Variants in MTHFD1L observed in about 807,000 individuals in gnomAD.
MTHFD1L encodes the protein methylenetetrahydrofolate dehydrogenase (NADP+ dependent) 1 like, also known as monofunctional C1-tetrahydrofolate synthase, mitochondrial.
A neutral mutation model predicts 119.5 loss-of-function variants in MTHFD1L; 81 were observed. The ratio of observed to expected loss-of-function variants is 0.68; its 90% CI spans 0.57 to 0.82. MTHFD1L has a LOEUF of 0.82. Among genes scored for constraint, MTHFD1L ranks in the 40% least tolerant of loss-of-function variants. The pLI is 0.00. For missense variants in MTHFD1L, 1,125 were observed against 1,253.4 expected (o/e 0.90, Z 1.55); for synonymous variants, 430 against 475.2 (o/e 0.90, Z 1.24).
At chr6:150,893,270 G>A (rs1583420776) in intron 7 of MTHFD1L, among the ~76,000 whole-genome samples, 1 of 152,042 alleles carries the variant, frequency 6.6e-6, no homozygotes, top group East Asian at 1.9e-4. Context: ...TCGCCATGTT[G>A]GCCAGGCTGG....
intron 9 of MTHFD1L, among the ~76,000 whole-genome samples, chr6:150,918,973 A>T (rs61425763): frequency 0.13 from 20,481 of 151,920 alleles, 1,490 homozygotes; most frequent in South Asian, 0.17. Context: ...AGTTTCTTCA[A>T]GTCAGAGATT....
At chr6:150,986,988 C>T (rs1436548232) in intron 20 of MTHFD1L, among the ~76,000 whole-genome samples, 7 of 152,164 alleles carry the variant, frequency 4.6e-5, no homozygotes, top group Non-Finnish European at 8.8e-5. Context: ...AGACGTGAGC[C>T]ACCGCGCCTG....
intron 7 of MTHFD1L, among the ~76,000 whole-genome samples, chr6:150,897,753 C>G (rs1413198244): frequency 6.6e-6 from 1 of 152,236 alleles, no homozygotes; most frequent in African/African-American, 2.4e-5. Flanking sequence ...GGTCATCTCC[C>G]ATTTGCTTTT....
chr6:150,986,572 C>G lies in MTHFD1L; in HGVS notation c.2125+14514C>G, dbSNP rs1449768680. Among the ~76,000 whole-genome samples the G allele has an allele frequency of 2.6e-5, 4 of 152,188 alleles. No individual in the cohort carries two copies. In the East Asian group the frequency reaches 7.7e-4, roughly 29 times the overall value. On this transcript the variant is annotated intron_variant, in intron 20 of 27. Coordinates refer to ENST00000367321, the MANE Select transcript of MTHFD1L (RefSeq NM_015440.5). Reference sequence around the variant, plus strand: ...GCAGTTCACAGTAGCATTCACACTCCTATGAGAATCTAATGCCACTGCTGA... The same window carrying G: ...GCAGTTCACAGTAGCATTCACACTCGTATGAGAATCTAATGCCACTGCTGA...
At chr6:150,975,638 G>T (rs1390695696) in intron 20 of MTHFD1L, among the ~76,000 whole-genome samples, 1 of 152,170 alleles carries the variant, frequency 6.6e-6, no homozygotes, top group East Asian at 1.9e-4. Context: ...CTCCTCCCCT[G>T]TCTGGGCCTC....
intron 19 of MTHFD1L, among the ~76,000 whole-genome samples, chr6:150,968,993 C>T (rs551220838): frequency 2.0e-5 from 3 of 151,738 alleles, no homozygotes; most frequent in Non-Finnish European, 2.9e-5. Context: ...GGATTACAGG[C>T]GCCCGCTACC....
chr6:150,867,538 T>G (rs1018090879), intron 1 of MTHFD1L, among the ~76,000 whole-genome samples: 5 of 152,148 alleles, frequency 3.3e-5, no homozygotes, highest in African/African-American at 1.2e-4. Context: ...GAAGCCAGGA[T>G]AGGCGGCAAA....
Position 150,865,807 on chromosome 6 carries a change from C to A in MTHFD1L, c.-16C>A. ...GCCGCAGCTCCGTGTCCCCTGAGAA[C>A]CAGCCGTCCCGCGCCATGGGCACGC... On this transcript the variant is annotated 5_prime_UTR_variant, in exon 1 of 28. Coordinates refer to ENST00000367321, the MANE Select transcript of MTHFD1L (RefSeq NM_015440.5). 7.7e-7 allele frequency: 1 copy of A among 1,292,604 alleles called. No homozygotes were observed. The highest frequency in any genetic ancestry group is 4.2e-5 in the East Asian group (1 of 23,876). 80.1% of individuals were successfully genotyped at this position (1,292,604 alleles called of 1,614,324 possible). A position where few individuals can be genotyped will look rare whatever the true frequency, so the allele number is the denominator to read the frequency against.
chr6:151,056,824 A>AC (rs1790019699), intron 26 of MTHFD1L, among the ~76,000 whole-genome samples: 1 of 152,076 alleles, frequency 6.6e-6, no homozygotes, highest in African/African-American at 2.4e-5. Flanking sequence ...AGGTGTTCTG[A>AC]CCTGGGAGGG....
At chr6:150,994,414 T>C (rs1779544130) in intron 20 of MTHFD1L, among the ~76,000 whole-genome samples, 1 of 152,192 alleles carries the variant, frequency 6.6e-6, no homozygotes, top group Admixed American at 6.5e-5. Context: ...CCTCTTCTTC[T>C]TGAAATAGAA....
intron 26 of MTHFD1L, among the ~76,000 whole-genome samples, chr6:151,076,744 G>C (rs1472571320): frequency 6.6e-6 from 1 of 151,500 alleles, no homozygotes; most frequent in African/African-American, 2.4e-5. Context: ...ATATATAACA[G>C]TACCACCCCC....
chr6:150,890,244 G>A (rs937739264), intron 7 of MTHFD1L, among the ~76,000 whole-genome samples: 5 of 152,144 alleles, frequency 3.3e-5, no homozygotes, highest in African/African-American at 1.2e-4. Context: ...ATACAAAGGT[G>A]TGTTTACAAA....
intron 26 of MTHFD1L, among the ~76,000 whole-genome samples, chr6:151,060,119 G>A (rs1790448117): frequency 1.3e-5 from 2 of 152,170 alleles, no homozygotes. Context: ...CTGGAATAGG[G>A]ACGCCAGAAG....
intron 20 of MTHFD1L, among the ~76,000 whole-genome samples, chr6:150,979,171 G>A (rs1413544723): frequency 1.3e-5 from 2 of 152,164 alleles, no homozygotes; most frequent in African/African-American, 4.8e-5. Flanking sequence ...CTGGGAGGCA[G>A]AGGCTGCAGT....
rs373791530 is a variant in MTHFD1L, at chr6:150,885,616, C to T, written c.543-18C>T. 6 of 1,605,704 alleles carry T rather than the reference C, an allele frequency of 3.7e-6. No homozygotes were observed. Among genetic ancestry groups the T allele is most frequent in the South Asian group, 1.1e-5 (1 of 90,528 alleles). On this transcript the variant is annotated intron_variant, in intron 5 of 27. Coordinates refer to ENST00000367321, the MANE Select transcript of MTHFD1L (RefSeq NM_015440.5). ...GGCTGGGCTTTGACTTAACCTACTT[C>T]TTTATTTTCTGATTCAGAGTAACAG...
chr6:150,928,557 C>CTTT lies in MTHFD1L; in HGVS notation c.1256+2272_1256+2274dup, dbSNP rs545794923. On this transcript the variant is annotated intron_variant, in intron 11 of 27. Transcript: ENST00000367321. ...TTCTCCTTCTCTTTGTGTAGCTTTT[C>CTTT]TTTTTTTTTTTTGAGATGAAGTCAC... 3.6e-5 allele frequency among the ~76,000 whole-genome samples: 5 copies of CTTT among 138,364 alleles called. 1 individual carries two copies. The East Asian group carries it at 1.1e-3, about 30-fold the overall frequency. The allele number at this position is 138,364 out of a possible 152,430, so 90.8% of individuals were successfully genotyped here.
At chr6:150,984,825 A>G (rs1778036603) in intron 20 of MTHFD1L, among the ~76,000 whole-genome samples, 1 of 152,196 alleles carries the variant, frequency 6.6e-6, no homozygotes. Flanking sequence ...TTTAAATTGC[A>G]TTTTGATGCC....
chr6:151,093,280 G>T (rs999665516), intron 27 of MTHFD1L, among the ~76,000 whole-genome samples: 1 of 152,156 alleles, frequency 6.6e-6, no homozygotes, highest in Non-Finnish European at 1.5e-5. Context: ...CCCTGTGTCT[G>T]TGTCTTCACA....
At chr6:151,086,736 C>G (rs576761141) in intron 26 of MTHFD1L, among the ~76,000 whole-genome samples, 12 of 152,092 alleles carry the variant, frequency 7.9e-5, no homozygotes, top group African/African-American at 2.7e-4. Context: ...TGCCATATTG[C>G]CCAGGCTGGT....
Sources: gnomAD v4.1 joint callset for allele counts (sites outside exome capture counted in the v4.1 genomes callset) on GRCh38, gnomAD v4.1.1 for gene constraint, MANE v1.5 for transcripts, NCBI Gene and HGNC (gene_info 2026-07-23, HGNC 2026-07-21) for gene names.